Variants in GLIS3 observed in about 807,000 individuals in gnomAD.
GLIS3 encodes zinc finger protein GLIS3.
In GLIS3, 53 loss-of-function variants were observed where a neutral mutation model predicts 78.6. The observed-to-expected ratio is 0.67, with a 90% CI of 0.54 to 0.85. The LOEUF (loss-of-function observed/expected upper bound fraction) is 0.85. Ranked by LOEUF, GLIS3 falls within the 40% of genes least tolerant of loss-of-function variation. The probability of loss-of-function intolerance (pLI) is 0.00; values close to 1 mark genes in which losing one functional copy is unlikely to be tolerated. For missense variants in GLIS3, 1,703 were observed against 1,231.1 expected (o/e 1.38, Z -5.74); for synonymous variants, 684 against 509.9 (o/e 1.34, Z -4.60).
intron 4 of GLIS3, among the ~76,000 whole-genome samples, chr9:4,106,293 G>A (rs539380947): frequency 2.6e-5 from 4 of 152,190 alleles, no homozygotes; most frequent in East Asian, 1.9e-4. Flanking sequence ...TATACGTGAC[G>A]CCTCCTAATT....
At chr9:4,160,895 GTATTGGTAATCAC>G (rs1369127627) in intron 2 of GLIS3, among the ~76,000 whole-genome samples, 2 of 152,010 alleles carry the variant, frequency 1.3e-5, no homozygotes, top group African/African-American at 4.8e-5. Context: ...CTCCATATCC[GTATTGGTAATCAC>G]TGCAGTCTAG....
At chr9:4,121,648 CA>C (rs1832193138) in intron 3 of GLIS3, among the ~76,000 whole-genome samples, 1 of 151,874 alleles carries the variant, frequency 6.6e-6, no homozygotes, top group African/African-American at 2.4e-5. Context: ...CACACACACA[CA>C]CACACACACA....
chr9:4,195,829 TA>T (rs1818784179), intron 2 of GLIS3, among the ~76,000 whole-genome samples: 1 of 152,222 alleles, frequency 6.6e-6, no homozygotes, highest in Non-Finnish European at 1.5e-5. Flanking sequence ...TCAAGGTCTG[TA>T]AACACACCAG....
At chr9:3,879,737 T>A in intron 7 of GLIS3, 142 bp from the exon 8 acceptor site, 1 of 844,640 alleles carries the variant, frequency 1.2e-6, no homozygotes, top group Non-Finnish European at 1.9e-6. Context: ...TCTCCCCTTC[T>A]TGGGTACACA....
At chr9:3,869,985 G>A (rs1011409854) in intron 8 of GLIS3, among the ~76,000 whole-genome samples, 1 of 152,056 alleles carries the variant, frequency 6.6e-6, no homozygotes, top group African/African-American at 2.4e-5. Flanking sequence ...GTTAAGGATA[G>A]GAAGAAAAAG....
chr9:3,910,346 G>GTTAT (rs746487890), intron 6 of GLIS3, among the ~76,000 whole-genome samples: 64 of 152,160 alleles, frequency 4.2e-4, no homozygotes, highest in South Asian at 1.5e-3. Flanking sequence ...ATTTTGTTTT[G>GTTAT]TTATTTATTT....
chr9:3,936,307 T>G (rs916553583), intron 5 of GLIS3, among the ~76,000 whole-genome samples: 1 of 152,058 alleles, frequency 6.6e-6, no homozygotes, highest in African/African-American at 2.4e-5. Flanking sequence ...TCAACATAAT[T>G]GAGAAAATAA....
At chr9:3,969,842 C>T (rs663542) in intron 4 of GLIS3, among the ~76,000 whole-genome samples, 91,896 of 152,004 alleles carry the variant, frequency 0.6, 28,553 homozygotes, top group African/African-American at 0.72. Flanking sequence ...AGAAACTGAG[C>T]AAAATTCAAA....
chr9:4,372,482 A>G, the GLIS3 span, among the ~76,000 whole-genome samples: 1 of 150,634 alleles, frequency 6.6e-6, no homozygotes, highest in Non-Finnish European at 1.5e-5. Flanking sequence ...CAGAGTCGAT[A>G]CTTCAAATCA....
chr9:4,239,022 AT>A (rs1823039329), intron 2 of GLIS3, among the ~76,000 whole-genome samples: 1 of 151,722 alleles, frequency 6.6e-6, no homozygotes, highest in South Asian at 2.1e-4. Context: ...TGAACTCATC[AT>A]TTTTTATGGC....
intron 2 of GLIS3, among the ~76,000 whole-genome samples, chr9:4,190,198 G>A (rs1296323007): frequency 6.6e-6 from 1 of 152,198 alleles, no homozygotes; most frequent in African/African-American, 2.4e-5. Flanking sequence ...ACTTTGACGA[G>A]TTGAGAGTGA....
At chr9:4,134,865 A>T (rs896607984) in intron 2 of GLIS3, among the ~76,000 whole-genome samples, 1 of 152,158 alleles carries the variant, frequency 6.6e-6, no homozygotes. Context: ...CCATGGAAAG[A>T]CAGAGTTCTT....
intron 4 of GLIS3, among the ~76,000 whole-genome samples, chr9:4,038,139 A>G (rs1824489845): frequency 1.3e-5 from 2 of 152,190 alleles, no homozygotes; most frequent in African/African-American, 2.4e-5. Context: ...ATGAGGCCCA[A>G]GTAAATTTTG....
At position 3,860,398 on chromosome 9, in the gene GLIS3, G is replaced by T. The variant is rs146769612; in HGVS notation, c.2298-4214C>A. ...CTGATTATTTGGGGGTATTTACTTG[G>T]CCACTCTCCTTCCCTTCTATGCCCT... is the stretch of plus-strand genomic sequence containing the variant. On this transcript the variant is annotated intron_variant, in intron 8 of 10. Coordinates refer to ENST00000381971, the MANE Select transcript of GLIS3 (RefSeq NM_001042413.2). 3.5e-3 allele frequency among the ~76,000 whole-genome samples: 523 copies of T among 151,090 alleles called. 2 individuals are homozygous for T. The highest frequency in any genetic ancestry group is 5.8e-3 in the Non-Finnish European group (395 of 67,906).
At chr9:3,943,389 T>C (rs1816076992) in intron 4 of GLIS3, among the ~76,000 whole-genome samples, 1 of 152,236 alleles carries the variant, frequency 6.6e-6, no homozygotes, top group Non-Finnish European at 1.5e-5. Flanking sequence ...CTCTATATAT[T>C]CTTGCTTTGC....
At chr9:4,359,004 C>A in the GLIS3 span, among the ~76,000 whole-genome samples, 3 of 152,170 alleles carry the variant, frequency 2.0e-5, no homozygotes, top group Admixed American at 6.5e-5. Flanking sequence ...GCAATCCCAA[C>A]TGGTAGGACC....
chr9:4,110,858 C>G (rs1291282695), intron 4 of GLIS3, among the ~76,000 whole-genome samples: 1 of 152,214 alleles, frequency 6.6e-6, no homozygotes, highest in Non-Finnish European at 1.5e-5. Context: ...GAAAACATTT[C>G]TGAAAGATCA....
At chr9:4,235,077 T>G (rs1280741564) in intron 2 of GLIS3, among the ~76,000 whole-genome samples, 1 of 151,972 alleles carries the variant, frequency 6.6e-6, no homozygotes, top group African/African-American at 2.4e-5. Context: ...GGTGGGTGGA[T>G]CACGAGGCCA....
intron 4 of GLIS3, chr9:4,081,410 T>C (rs1828544356): frequency 6.6e-6 from 1 of 152,206 alleles, no homozygotes; most frequent in Non-Finnish European, 1.5e-5. Context: ...TTTGGCCATG[T>C]ACCTGGGTTT....
Sources: gnomAD v4.1 joint callset for allele counts (sites outside exome capture counted in the v4.1 genomes callset) on GRCh38, gnomAD v4.1.1 for gene constraint, MANE v1.5 for transcripts, NCBI Gene and HGNC (gene_info 2026-07-23, HGNC 2026-07-21) for gene names.